Variants in CPA6 observed in about 807,000 individuals in gnomAD.
CPA6 encodes the protein carboxypeptidase A6, also known as carboxypeptidase B.
CPA6 carries 58 observed loss-of-function variants against 63.3 expected under a neutral mutation model. The ratio of observed to expected loss-of-function variants is 0.92; its 90% CI spans 0.74 to 1.14. The LOEUF (loss-of-function observed/expected upper bound fraction) is 1.14, where lower values mean the gene tolerates loss of function less well. CPA6 is among the 50% of genes most tolerant of loss of function. CPA6 has a pLI of 0.00. For missense variants in CPA6, 565 were observed against 526.6 expected, an observed-to-expected ratio of 1.07 and a Z score of -0.71; for synonymous variants, 185 against 179.0, an observed-to-expected ratio of 1.03 and a Z score of -0.27.
chr8:67,713,099 G>GTATATATATATATATATATA (rs67842734), intron 1 of CPA6, among the ~76,000 whole-genome samples: 3 of 55,026 alleles, frequency 5.5e-5, no homozygotes, highest in African/African-American at 1.5e-4. Context: ...GTGTGTGTGT[G>GTATATATATATATATATATA]TATATATATA....
chr8:67,545,654 C>T (rs1168406378), intron 2 of CPA6, among the ~76,000 whole-genome samples: 1 of 150,618 alleles, frequency 6.6e-6, no homozygotes, highest in Non-Finnish European at 1.5e-5. Context: ...TGCACTCCAC[C>T]CCCTGGGTTC....
chr8:67,684,145 T>G (rs1234786129), intron 1 of CPA6, among the ~76,000 whole-genome samples: 4 of 151,198 alleles, frequency 2.6e-5, no homozygotes, highest in Non-Finnish European at 5.9e-5. Context: ...CCTCAGTCCC[T>G]GCAAAGTACT....
chr8:67,462,655 GTC>G (rs1233381026), intron 8 of CPA6, among the ~76,000 whole-genome samples: 1 of 152,062 alleles, frequency 6.6e-6, no homozygotes, highest in African/African-American at 2.4e-5. Context: ...CAATTCTCTT[GTC>G]TCTCTCTTTC....
chr8:67,566,011 A>G (rs1457127635), intron 2 of CPA6, among the ~76,000 whole-genome samples: 2 of 152,148 alleles, frequency 1.3e-5, no homozygotes, highest in African/African-American at 4.8e-5. Context: ...CAGCTGATTC[A>G]TGATTTTCAT....
rs141073648 is a variant in CPA6 at position 67,518,028 on chromosome 8, C to G, written c.212G>C (p.Ser71Thr). 8.7e-6 allele frequency: 14 copies of G among 1,601,770 alleles called. No individual in the cohort carries two copies. Among genetic ancestry groups the G allele is most frequent in the Non-Finnish European group, 1.1e-5 (13 of 1,175,526 alleles). Residue 71 changes from serine to threonine, a missense_variant, in exon 3 of 11, where the codon AGC (serine) becomes ACC (threonine). By Grantham distance (58) the Ser-to-Thr change is moderately conservative (BLOSUM62 1). Transcript: ENST00000297770. ...YQLKVDLWQP[S>T]SISYVSEGTV... ...TCCCTCTGATACATAGGAGATACTG[C>G]TGGGCTGCCACAGGTCCACCTGTAG...
intron 1 of CPA6, among the ~76,000 whole-genome samples, chr8:67,720,190 C>G (rs964980442): frequency 6.9e-6 from 1 of 144,828 alleles, no homozygotes; most frequent in Non-Finnish European, 1.5e-5. Flanking sequence ...AGTGGGGGTG[C>G]TTTTTGAGCC....
intron 1 of CPA6, among the ~76,000 whole-genome samples, chr8:67,693,371 A>G (rs779655031): frequency 6.6e-6 from 1 of 152,238 alleles, no homozygotes; most frequent in South Asian, 2.1e-4. Context: ...GATGTGGAAC[A>G]TACTCGGGTT....
At chr8:67,732,935 G>A (rs964772777) in intron 1 of CPA6, among the ~76,000 whole-genome samples, 2 of 152,006 alleles carry the variant, frequency 1.3e-5, no homozygotes, top group South Asian at 2.1e-4. Flanking sequence ...GGTGGCTCAC[G>A]CCTGTAATCC....
At chr8:67,502,367 G>A (rs987016348) in intron 6 of CPA6, among the ~76,000 whole-genome samples, 2 of 152,156 alleles carry the variant, frequency 1.3e-5, no homozygotes, top group East Asian at 3.8e-4. Context: ...GGAGGCTGAC[G>A]TGAAAGATTT....
chr8:67,730,239 G>A (rs1817680921), intron 1 of CPA6, among the ~76,000 whole-genome samples: 1 of 152,064 alleles, frequency 6.6e-6, no homozygotes. Context: ...TCCTCCCTTG[G>A]GTTTGGTTAT....
intron 8 of CPA6, among the ~76,000 whole-genome samples, chr8:67,448,656 G>GAAAAAAAAAAAAAAAAAAAAA (rs1810485855): frequency 5.8e-5 from 4 of 68,800 alleles, no homozygotes; most frequent in African/African-American, 1.8e-4. Context: ...AAAAAAAAAG[G>GAAAAAAAAAAAAAAAAAAAAA]AAAGAACGAA....
intron 1 of CPA6, among the ~76,000 whole-genome samples, chr8:67,656,458 T>G (rs1308478940): frequency 6.6e-6 from 1 of 152,172 alleles, no homozygotes; most frequent in Non-Finnish European, 1.5e-5. Context: ...TCACTTCTAA[T>G]TTAAGGCTCA....
At chr8:67,457,452 G>A (rs975542751) in intron 8 of CPA6, among the ~76,000 whole-genome samples, 1 of 152,080 alleles carries the variant, frequency 6.6e-6, no homozygotes, top group Non-Finnish European at 1.5e-5. Context: ...AGATCTTGGA[G>A]TCTTCAGCTC....
chr8:67,627,235 A>C (rs1815212836), intron 1 of CPA6, among the ~76,000 whole-genome samples: 1 of 152,094 alleles, frequency 6.6e-6, no homozygotes, highest in Non-Finnish European at 1.5e-5. Flanking sequence ...AAACCACATG[A>C]CCCCCAAATG....
At chr8:67,662,889 C>T (rs1288279159) in intron 1 of CPA6, among the ~76,000 whole-genome samples, 2 of 152,106 alleles carry the variant, frequency 1.3e-5, no homozygotes, top group African/African-American at 4.8e-5. Context: ...TTCTTAACAA[C>T]CTCAATTAGA....
chr8:67,738,151 CCACT>C (rs1231536672), intron 1 of CPA6, among the ~76,000 whole-genome samples: 1 of 152,084 alleles, frequency 6.6e-6, no homozygotes, highest in African/African-American at 2.4e-5. Flanking sequence ...ATCAGAGTAA[CCACT>C]CAGAGAGAGA....
intron 8 of CPA6, among the ~76,000 whole-genome samples, chr8:67,437,352 G>A (rs1307897993): frequency 2.0e-5 from 3 of 152,084 alleles, no homozygotes; most frequent in Admixed American, 6.5e-5. Flanking sequence ...CGGAGCTTGC[G>A]CCACCGCACT....
chr8:67,708,683 A>AC lies in CPA6; in HGVS notation c.116+37330dup, dbSNP rs1442982180. 2.6e-5 allele frequency among the ~76,000 whole-genome samples: 4 copies of AC among 152,130 alleles called. No homozygotes were observed. The East Asian group carries it at 7.7e-4, about 29-fold the overall frequency. Reference sequence around the variant, plus strand: ...ACTACTTTCACCAACCCATGGAGCCACCCTGCCCTGAGAGCTAATAAGAGG... The same window carrying AC: ...ACTACTTTCACCAACCCATGGAGCCACCCCTGCCCTGAGAGCTAATAAGAGG... On this transcript the variant is annotated intron_variant, in intron 1 of 10. Transcript: ENST00000297770.
chr8:67,722,626 C>T (rs535926355), intron 1 of CPA6, among the ~76,000 whole-genome samples: 1 of 152,252 alleles, frequency 6.6e-6, no homozygotes, highest in African/African-American at 2.4e-5. Context: ...ACTTGGAAAC[C>T]TTGGCCTTTA....
Sources: gnomAD v4.1 joint callset for allele counts (sites outside exome capture counted in the v4.1 genomes callset) on GRCh38, gnomAD v4.1.1 for gene constraint, MANE v1.5 for transcripts, NCBI Gene and HGNC (gene_info 2026-07-23, HGNC 2026-07-21) for gene names.